TENM1: variants seen among roughly 807,000 people sequenced by gnomAD.
The protein encoded by TENM1 is teneurin-1.
A neutral mutation model predicts 174.8 loss-of-function variants in TENM1; 35 were observed. The ratio of observed to expected loss-of-function variants is 0.20; its 90% CI spans 0.15 to 0.27. The LOEUF is 0.27. Ranked by LOEUF, TENM1 falls within the 10% of genes least tolerant of loss-of-function variation. The probability of loss-of-function intolerance (pLI) is 1.00; values close to 1 mark genes in which losing one functional copy is unlikely to be tolerated. For missense variants in TENM1, 1,633 were observed against 2,130.1 expected, an observed-to-expected ratio of 0.77 and a Z score of 4.59; for synonymous variants, 781 against 798.7, an observed-to-expected ratio of 0.98 and a Z score of 0.37.
intron 3 of TENM1, among the ~76,000 whole-genome samples, chrX:124,855,455 G>T (rs1455974282): frequency 9.0e-6 from 1 of 111,468 alleles, no homozygotes; most frequent in African/African-American, 3.3e-5. Flanking sequence ...ACACAAAAAA[G>T]ACCAAAATGA....
intron 19 of TENM1, among the ~76,000 whole-genome samples, chrX:124,502,796 C>T (rs905198379): frequency 1.8e-5 from 2 of 112,215 alleles, no homozygotes; most frequent in African/African-American, 6.5e-5. Context: ...CGGTCTCTTT[C>T]TATGGTTGAA....
chrX:124,492,811 G>T, intron 20 of TENM1, among the ~76,000 whole-genome samples: 1 of 110,210 alleles, frequency 9.1e-6, no homozygotes, highest in South Asian at 3.9e-4. Context: ...TTGCTGGTGG[G>T]GCAGTGGGAG....
At chrX:125,152,246 T>C in the TENM1 span, among the ~76,000 whole-genome samples, 4 of 101,327 alleles carry the variant, frequency 3.9e-5, no homozygotes, top group Non-Finnish European at 7.8e-5. Context: ...CAAGACTTTG[T>C]ATTTTTAAAA....
At chrX:124,385,760 G>T in exon 29 of TENM1, 1 of 1,210,420 alleles carries the variant, frequency 8.3e-7, no homozygotes, top group Non-Finnish European at 1.1e-6. Context: ...CTCTTCATAT[G>T]TTAATGTGAC....
At chrX:124,775,405 T>G (rs2054759753) in intron 3 of TENM1, among the ~76,000 whole-genome samples, 1 of 111,666 alleles carries the variant, frequency 9.0e-6, no homozygotes, top group Admixed American at 9.5e-5. Context: ...TGTTCAGGTA[T>G]GAAACATGTG....
In TENM1 at chrX:124,480,150, A is replaced by G. The variant is rs766352111; in HGVS notation, c.3949+1582T>C. ...GTGGGGAAGTGGGGAAGATTCCATA[A>G]TATTAGATGTGATTTCCCATCTCAA... is the stretch of plus-strand genomic sequence containing the variant. On this transcript the variant is annotated intron_variant, in intron 22 of 31. Transcript: ENST00000422452. Among the ~76,000 whole-genome samples the G allele has an allele frequency of 3.6e-5, 4 of 111,814 alleles. No individual in the cohort carries two copies. In the South Asian group the frequency reaches 1.5e-3, roughly 42 times the overall value.
chrX:124,593,467 G>A (rs1363635951), intron 11 of TENM1, among the ~76,000 whole-genome samples: 2 of 111,055 alleles, frequency 1.8e-5, no homozygotes, highest in African/African-American at 6.6e-5. Flanking sequence ...GGGGCCCTGC[G>A]GCACCTCAAT....
chrX:124,834,810 A>G (rs780892808), intron 3 of TENM1, among the ~76,000 whole-genome samples: 1 of 112,148 alleles, frequency 8.9e-6, no homozygotes, highest in South Asian at 3.7e-4. Context: ...TAGTAAACCA[A>G]TATTTCTCAT....
chrX:124,607,248 G>T (rs1341248185), intron 11 of TENM1, among the ~76,000 whole-genome samples: 1 of 111,035 alleles, frequency 9.0e-6, no homozygotes, highest in East Asian at 2.8e-4. Flanking sequence ...GTATGGCAGA[G>T]AATAATAAAT....
intron 14 of TENM1, among the ~76,000 whole-genome samples, chrX:124,551,606 G>A (rs2048575953): frequency 9.0e-6 from 1 of 110,871 alleles, no homozygotes; most frequent in African/African-American, 3.3e-5. Context: ...ACCGTTGGAT[G>A]TAATGGATAT....
chrX:124,628,800 G>C (rs2050695272), intron 11 of TENM1, among the ~76,000 whole-genome samples: 1 of 111,704 alleles, frequency 9.0e-6, no homozygotes, highest in Non-Finnish European at 1.9e-5. Context: ...TTACAGCTAG[G>C]TGTTTTCACA....
At chrX:124,816,099 T>C (rs1023499669) in intron 3 of TENM1, among the ~76,000 whole-genome samples, 11 of 111,852 alleles carry the variant, frequency 9.8e-5, no homozygotes, top group African/African-American at 2.9e-4. Context: ...TTTGTGAATA[T>C]ATTCAAGAGA....
intron 6 of TENM1, among the ~76,000 whole-genome samples, chrX:124,659,119 C>T (rs773900187): frequency 5.0e-4 from 56 of 111,788 alleles, no homozygotes; most frequent in Middle Eastern, 4.6e-3. Context: ...TTTCTGTATA[C>T]GGATTACAAA....
At chrX:124,608,703 G>T (rs1430431433) in intron 11 of TENM1, among the ~76,000 whole-genome samples, 2 of 110,245 alleles carry the variant, frequency 1.8e-5, no homozygotes, top group African/African-American at 6.6e-5. Context: ...GAGCAGAAGA[G>T]AAATCTCCAT....
chrX:124,962,877 A>G (rs1298734525), intron 1 of TENM1, among the ~76,000 whole-genome samples: 1 of 112,147 alleles, frequency 8.9e-6, no homozygotes, highest in African/African-American at 3.2e-5. Context: ...CCTTGTGCCA[A>G]TGTCAGTATC....
Position 124,894,278 on chromosome X carries a change from A to G in TENM1, c.535+18T>C. The G allele has an allele frequency of 8.4e-7, 1 of 1,186,421 alleles. No individual in the cohort carries two copies. On this transcript the variant is annotated intron_variant, in intron 3 of 31. Transcript: ENST00000422452. ...TGAAGTAAAAATAATTTGTGATCAA[A>G]TATTTGAAAACACTTGCCTTGAGTA...
chrX:124,429,780 A>G (rs1296795366), intron 23 of TENM1, among the ~76,000 whole-genome samples: 1 of 111,718 alleles, frequency 9.0e-6, no homozygotes, highest in Non-Finnish European at 1.9e-5. Flanking sequence ...AGTCCTGTGC[A>G]TTGTAGGATG....
chrX:124,629,520 A>G (rs992793525), intron 11 of TENM1, among the ~76,000 whole-genome samples: 13 of 112,664 alleles, frequency 1.2e-4, no homozygotes, highest in Non-Finnish European at 1.1e-4. Context: ...AACAATAGCT[A>G]CAATCTATCA....
intron 11 of TENM1, among the ~76,000 whole-genome samples, chrX:124,602,101 C>T (rs560190870): frequency 5.4e-5 from 6 of 110,762 alleles, no homozygotes; most frequent in South Asian, 3.9e-4. Context: ...CTTTGAAGTG[C>T]GGTACATAAT....
Sources: allele counts gnomAD v4.1 joint callset (sites outside exome capture counted in the v4.1 genomes callset), GRCh38; gene constraint gnomAD v4.1.1; transcripts MANE v1.5; gene names NCBI Gene and HGNC (gene_info 2026-07-23, HGNC 2026-07-21).